The following ATG2B variants were observed in gnomAD, a reference collection of about 807,000 sequenced individuals.
ATG2B encodes autophagy related 2B.
Under a neutral mutation model 241.3 loss-of-function variants are expected in ATG2B, and 121 were observed. That is an observed-to-expected ratio of 0.50 (90% CI 0.43 to 0.58). ATG2B has a LOEUF of 0.58. Ranked by LOEUF, ATG2B falls within the 20% of genes least tolerant of loss-of-function variation. The probability of loss-of-function intolerance (pLI) is 0.00; values close to 1 mark genes in which losing one functional copy is unlikely to be tolerated. For missense variants in ATG2B, 2,306 were observed against 2,491.6 expected (o/e 0.93, Z 1.59); for synonymous variants, 858 against 876.6 (o/e 0.98, Z 0.37).
At position 96,334,520 on chromosome 14, in the gene ATG2B, A is replaced by AT; in HGVS notation, c.925-20_925-19insA. 1 of 1,419,066 alleles carries AT rather than the reference A, an allele frequency of 7.0e-7. No individual in the cohort carries two copies. Among genetic ancestry groups the AT allele is most frequent in the Non-Finnish European group, 9.8e-7 (1 of 1,020,552 alleles). The allele number at this position is 1,419,066 out of a possible 1,614,324, so 87.9% of individuals were successfully genotyped here. A position where few individuals can be genotyped will look rare whatever the true frequency, so the allele number is the denominator to read the frequency against. Reference sequence around the variant, plus strand: ...CATCCAACTTAAGGGAAAAAAAAAAACTATTCATGAGGAGTATTCTTTATA... The same window carrying AT: ...CATCCAACTTAAGGGAAAAAAAAAAATCTATTCATGAGGAGTATTCTTTATA... On this transcript the variant is annotated intron_variant, in intron 6 of 41. Coordinates refer to ENST00000359933, the MANE Select transcript of ATG2B (RefSeq NM_018036.7).
chr14:96,345,905 C>T (rs1169467094), intron 2 of ATG2B, among the ~76,000 whole-genome samples: 1 of 151,994 alleles, frequency 6.6e-6, no homozygotes, highest in Non-Finnish European at 1.5e-5. Flanking sequence ...ACGACAGGAC[C>T]AATTTGGCCT....
rs1376547572 is a variant in ATG2B at position 96,348,445 on chromosome 14, G to A, written c.163-1104C>T. On this transcript the variant is annotated intron_variant, in intron 1 of 41. Transcript: ENST00000359933. ...CACCTATAATCCCGGCACTTTGGGA[G>A]GCTGAGACGGGCAGATCTCTCGAGG... 2.0e-5 allele frequency among the ~76,000 whole-genome samples: 3 copies of A among 152,150 alleles called. No individual in the cohort carries two copies. The South Asian group carries it at 6.2e-4, about 32-fold the overall frequency.
chr14:96,304,421 G>A (rs887528442), intron 32 of ATG2B, 74 bp downstream of exon 32: 37 of 1,097,322 alleles, frequency 3.4e-5, no homozygotes, highest in South Asian at 2.1e-4. Flanking sequence ...TCAAGACTAC[G>A]TGGTGGGGGA....
Position 96,290,687 on chromosome 14 carries a change from G to A in ATG2B, c.5702-97C>T, listed in dbSNP as rs551790263. 6.4e-7 allele frequency: 1 copy of A among 1,559,740 alleles called. No homozygotes were observed. Among genetic ancestry groups the A allele is most frequent in the Non-Finnish European group, 8.7e-7 (1 of 1,148,774 alleles). On this transcript the variant is annotated intron_variant, in intron 39 of 41. Coordinates refer to ENST00000359933, the MANE Select transcript of ATG2B (RefSeq NM_018036.7). This position sits in a 1 kb window ranked among gnomAD's most constrained non-coding sequence, Gnocchi z 4.4. ...TTTAACTCCTAAAACTGGAGGCAAA[G>A]TTTTGTGTATATGAGTACATATGTG...
chr14:96,352,476 T>A (rs1476656917), intron 1 of ATG2B, among the ~76,000 whole-genome samples: 1 of 152,110 alleles, frequency 6.6e-6, no homozygotes, highest in Non-Finnish European at 1.5e-5. Flanking sequence ...GACAGCTCCA[T>A]GCATGTTACT....
chr14:96,354,497 T>C (rs1223065699), intron 1 of ATG2B, among the ~76,000 whole-genome samples: 1 of 152,256 alleles, frequency 6.6e-6, no homozygotes, highest in Non-Finnish European at 1.5e-5. Flanking sequence ...TGTGTGTATG[T>C]ATACTTTCTT....
At chr14:96,356,312 T>C (rs1384335840) in intron 1 of ATG2B, among the ~76,000 whole-genome samples, 1 of 152,208 alleles carries the variant, frequency 6.6e-6, no homozygotes, top group Non-Finnish European at 1.5e-5. Context: ...GAATTAGGTA[T>C]TTTTGTGCCT....
At chr14:96,317,355 T>C (rs766325543) in intron 19 of ATG2B, 38 bp from the exon 20 acceptor site, 5 of 1,511,124 alleles carry the variant, frequency 3.3e-6, no homozygotes, top group South Asian at 1.2e-5. Flanking sequence ...TCTGATAGCA[T>C]ATTAAAACAG....
At chr14:96,327,404 A>G (rs1289262759) in intron 14 of ATG2B, among the ~76,000 whole-genome samples, 1 of 152,158 alleles carries the variant, frequency 6.6e-6, no homozygotes, top group Admixed American at 6.6e-5. Context: ...TTCCTAACAG[A>G]CTTCTTGCAA....
Position 96,315,217 on chromosome 14 carries a change from T to A in ATG2B, c.3579A>T (p.Val1193=), listed in dbSNP as rs199646374. Residue 1193 remains valine (V), a synonymous_variant, in exon 23 of 42, where the codon GTA becomes GTT. Coordinates refer to ENST00000359933, the MANE Select transcript of ATG2B (RefSeq NM_018036.7). ...GCTGGAGAGTGGCTCCTTTCAGTCC[T>A]ACGGCAATGAGAAATTCCTATACAG... The part of the protein sequence containing the change: ...ESNTKEFLIA[V]GLKGATLQHR... The A allele has an allele frequency of 6.2e-7, 1 of 1,614,054 alleles. No individual in the cohort carries two copies. The highest frequency in any genetic ancestry group is 2.2e-5 in the East Asian group (1 of 44,868).
At chr14:96,362,752 C>T (rs1888698263) in intron 1 of ATG2B, 63 bp downstream of exon 1, 1 of 1,523,530 alleles carries the variant, frequency 6.6e-7, no homozygotes, top group African/African-American at 1.4e-5. Flanking sequence ...TTGGATGGCA[C>T]TGGTTCAAAG....
In ATG2B at chr14:96,363,100, G is replaced by C; in HGVS notation, c.-124C>G. 1 of 1,104,924 alleles carries C rather than the reference G, an allele frequency of 9.1e-7. No homozygotes were observed. Among genetic ancestry groups the C allele is most frequent in the East Asian group, 2.4e-5 (1 of 41,882 alleles). The allele number at this position is 1,104,924 out of a possible 1,614,324, so 68.4% of individuals were successfully genotyped here. ...TGGGGCGGCCCCTCCATCCCTATTT[G>C]GTGCCGGGAGTCCCTCAGGGAGACC... On this transcript the variant is annotated 5_prime_UTR_variant, in exon 1 of 42. Coordinates refer to ENST00000359933, the MANE Select transcript of ATG2B (RefSeq NM_018036.7).
chr14:96,281,186 C>T lies in ATG2B; in HGVS notation c.*4569G>A, dbSNP rs1234790311. The T allele has an allele frequency of 1.3e-5, 2 of 152,170 alleles. No homozygotes were observed. Among genetic ancestry groups the T allele is most frequent in the Non-Finnish European group, 2.9e-5 (2 of 68,034 alleles). 9.4% of individuals were successfully genotyped at this position (152,170 alleles called of 1,614,324 possible). ...TAACAAGGTCTGAGGCAGATGTACA[C>T]CCCACCCCAATAAGTATTTTACACA... On this transcript the variant is annotated 3_prime_UTR_variant, in exon 42 of 42. Coordinates refer to ENST00000359933, the MANE Select transcript of ATG2B (RefSeq NM_018036.7).
At chr14:96,326,397 A>G (rs1181046903) in intron 14 of ATG2B, among the ~76,000 whole-genome samples, 1 of 152,162 alleles carries the variant, frequency 6.6e-6, no homozygotes, top group African/African-American at 2.4e-5. Flanking sequence ...TTGTACTTCT[A>G]AGATAAAACC....
At chr14:96,293,785 C>T (rs1001174704) in intron 36 of ATG2B, among the ~76,000 whole-genome samples, 1 of 152,028 alleles carries the variant, frequency 6.6e-6, no homozygotes, top group Non-Finnish European at 1.5e-5. Context: ...TAAACATTTA[C>T]CTAAGTAAGT....
chr14:96,361,314 T>C (rs572170003), intron 1 of ATG2B, among the ~76,000 whole-genome samples: 1 of 152,334 alleles, frequency 6.6e-6, no homozygotes, highest in Admixed American at 6.5e-5. Flanking sequence ...TAACTGCCTT[T>C]CTTTTGATCT....
intron 26 of ATG2B, 25 bp downstream of exon 26, chr14:96,312,064 A>G (rs1414663172): frequency 4.5e-6 from 7 of 1,542,052 alleles, no homozygotes; most frequent in Non-Finnish European, 6.3e-6. Flanking sequence ...GAATTTATCT[A>G]CTCCATTTGT....
Position 96,343,338 on chromosome 14 carries a change from A to G in ATG2B, c.582-57T>C, listed in dbSNP as rs1888093837. Reference sequence around the variant, plus strand: ...GCTCCTAGGGGTGCAGCGCACCAGCATGGCACATGTATACATATGTAACTA... The same window carrying G: ...GCTCCTAGGGGTGCAGCGCACCAGCGTGGCACATGTATACATATGTAACTA... On this transcript the variant is annotated intron_variant, in intron 4 of 41. Transcript: ENST00000359933. 5 of 1,338,832 alleles carry G rather than the reference A, an allele frequency of 3.7e-6. No homozygotes were observed. The African/African-American group carries it at 4.4e-5, about 12-fold the overall frequency. 82.9% of individuals were successfully genotyped at this position (1,338,832 alleles called of 1,614,324 possible).
At position 96,284,210 on chromosome 14, in the gene ATG2B, A is replaced by ATC. The variant is rs1886275510; in HGVS notation, c.*1544_*1545insGA. ...CGGTAACACAGCACGCCTTCCTGTT[A>ATC]GTGTGTCGCCAGGACCAGGCTCTAC... On this transcript the variant is annotated 3_prime_UTR_variant, in exon 42 of 42. Transcript: ENST00000359933. 1 of 152,212 alleles carries ATC rather than the reference A, an allele frequency of 6.6e-6. No individual in the cohort carries two copies. Among genetic ancestry groups the ATC allele is most frequent in the Non-Finnish European group, 1.5e-5 (1 of 68,036 alleles). 9.4% of individuals were successfully genotyped at this position (152,212 alleles called of 1,614,324 possible).
Sources: allele counts gnomAD v4.1 joint callset (sites outside exome capture counted in the v4.1 genomes callset), GRCh38; gene constraint gnomAD v4.1.1; non-coding constraint Gnocchi (gnomAD v3.1); transcripts MANE v1.5; gene names NCBI Gene and HGNC (gene_info 2026-07-23, HGNC 2026-07-21).